The following ACADM variants were observed in gnomAD, a reference collection of about 807,000 sequenced individuals.
The protein encoded by ACADM is medium-chain specific acyl-CoA dehydrogenase, mitochondrial.
In ACADM, 49 loss-of-function variants were observed where a neutral mutation model predicts 58.9. The observed-to-expected ratio is 0.83, with a 90% CI of 0.66 to 1.06. The LOEUF is 1.06. ACADM is among the 50% of genes least tolerant of loss of function. ACADM has a pLI of 0.00. For synonymous variants in ACADM, 160 were observed against 157.7 expected, an observed-to-expected ratio of 1.01 and a Z score of -0.11; for missense variants, 496 against 507.0, an observed-to-expected ratio of 0.98 and a Z score of 0.21.
intron 2 of ACADM, among the ~76,000 whole-genome samples, chr1:75,729,403 C>T (rs1261602727): frequency 6.9e-6 from 1 of 145,650 alleles, no homozygotes; most frequent in African/African-American, 2.6e-5. Flanking sequence ...TCCCAAAGTG[C>T]TGGGATTATA....
intron 11 of ACADM, 117 bp downstream of exon 11, chr1:75,761,487 A>T: frequency 8.8e-7 from 1 of 1,136,666 alleles, no homozygotes; most frequent in Non-Finnish European, 1.3e-6. Flanking sequence ...TGACTGTCAT[A>T]TATGGCTGTG....
intron 1 of ACADM, among the ~76,000 whole-genome samples, chr1:75,726,800 C>CTTTTTT (rs748703972): frequency 8.3e-6 from 1 of 119,844 alleles, no homozygotes; most frequent in African/African-American, 3.2e-5. Flanking sequence ...AACTGTTTCA[C>CTTTTTT]TTTTTTTTTT....
intron 2 of ACADM, among the ~76,000 whole-genome samples, chr1:75,731,589 A>G (rs1294196958): frequency 3.9e-5 from 6 of 152,236 alleles, no homozygotes; most frequent in Non-Finnish European, 7.3e-5. Context: ...TAATTTTAAA[A>G]CAATCCCTTA....
In ACADM at chr1:75,744,562, G is replaced by A. The variant is rs1010940124; in HGVS notation, c.600-1244G>A. ...TTCTGCAAACGCTGGGGTTTTGACT[G>A]TAACCAAGTCATACTTGCATACAGT... On this transcript the variant is annotated intron_variant, in intron 7 of 11. Coordinates refer to ENST00000370841, the MANE Select transcript of ACADM (RefSeq NM_000016.6). The A allele has an allele frequency of 1.1e-5, 16 of 1,469,216 alleles. No homozygotes were observed. In the African/African-American group the frequency reaches 1.8e-4, roughly 17 times the overall value. 91.0% of individuals were successfully genotyped at this position (1,469,216 alleles called of 1,614,324 possible).
chr1:75,759,906 C>G (rs1293168096), intron 10 of ACADM, among the ~76,000 whole-genome samples: 1 of 151,806 alleles, frequency 6.6e-6, no homozygotes, highest in Non-Finnish European at 1.5e-5. Flanking sequence ...GGTGATCTGC[C>G]CGCCTCGGCC....
intron 7 of ACADM, chr1:75,743,518 G>C: frequency 6.2e-7 from 1 of 1,608,472 alleles, no homozygotes; most frequent in Non-Finnish European, 8.5e-7. Context: ...GTGATCATAG[G>C]TCAGTGCCAC....
chr1:75,731,012 C>T (rs1001602554), intron 2 of ACADM, among the ~76,000 whole-genome samples: 3 of 151,964 alleles, frequency 2.0e-5, no homozygotes, highest in Admixed American at 6.6e-5. Context: ...TTTGGCTGGG[C>T]GCAGTGGCTC....
At chr1:75,737,310 ATATATATATATATATATG>A in intron 6 of ACADM, among the ~76,000 whole-genome samples, 1 of 109,480 alleles carries the variant, frequency 9.1e-6, no homozygotes, top group Non-Finnish European at 2.0e-5. Context: ...ATATATATAT[ATATATATATATATATATG>A]AAACCAAAAA....
intron 2 of ACADM, 69 bp from the exon 3 acceptor site, chr1:75,732,575 A>G (rs1348486091): frequency 5.0e-6 from 6 of 1,196,594 alleles, no homozygotes; most frequent in Non-Finnish European, 7.5e-6. Flanking sequence ...ACACATTTCT[A>G]CATACTGACT....
chr1:75,751,019 C>A (rs1270313979), intron 10 of ACADM: 2 of 202,360 alleles, frequency 9.9e-6, no homozygotes, highest in Non-Finnish European at 2.0e-5. Flanking sequence ...GCATGAGCCA[C>A]TGGGCCCGGC....
intron 8 of ACADM, among the ~76,000 whole-genome samples, chr1:75,747,860 T>C (rs1218350275): frequency 1.3e-5 from 2 of 152,188 alleles, no homozygotes; most frequent in African/African-American, 2.4e-5. Context: ...GTTTTAAATG[T>C]TGTGGGGTTT....
intron 6 of ACADM, 124 bp downstream of exon 6, chr1:75,734,995 T>C: frequency 1.3e-6 from 1 of 769,676 alleles, no homozygotes; most frequent in Non-Finnish European, 2.2e-6. Context: ...AGCAACATAT[T>C]ATTACAATGA....
intron 7 of ACADM, chr1:75,743,706 A>G: frequency 6.7e-7 from 1 of 1,496,714 alleles, no homozygotes; most frequent in Non-Finnish European, 9.3e-7. Context: ...TGGCAAATTC[A>G]TTCTTTCGGG....
chr1:75,741,995 A>C (rs963315494), intron 7 of ACADM, among the ~76,000 whole-genome samples: 2 of 152,212 alleles, frequency 1.3e-5, no homozygotes, highest in Non-Finnish European at 2.9e-5. Context: ...GTTGGAACAT[A>C]TGGATCTCCA....
chr1:75,743,908 A>C, intron 7 of ACADM: 1 of 1,472,080 alleles, frequency 6.8e-7, no homozygotes, highest in Non-Finnish European at 9.5e-7. Context: ...CTGCAAGGCA[A>C]AGGCTGAGGC....
rs3841786 is a variant in ACADM, at chr1:75,762,761, T to TA, written c.*5dup. ...AREHIDKYKN[*] Reference sequence around the variant, plus strand: ...TGAACACATTGACAAGTACAAAAATTAAAAAAATTACTGTAGAAATATTGA... The same window carrying TA: ...TGAACACATTGACAAGTACAAAAATTAAAAAAAATTACTGTAGAAATATTGA... The change falls in exon 12 of 12, where the codon TAA becomes TAAA. Residue 422 remains the stop codon, a frameshift_variant and stop_retained_variant. Coordinates refer to ENST00000370841, the MANE Select transcript of ACADM (RefSeq NM_000016.6). LOFTEE classifies it high-confidence loss of function. 2.3e-4 allele frequency: 361 copies of TA among 1,573,038 alleles called. 3 individuals carry two copies. The East Asian group carries it at 7.3e-3, about 32-fold the overall frequency.
At chr1:75,758,839 A>C (rs1407997623) in intron 10 of ACADM, among the ~76,000 whole-genome samples, 1 of 152,216 alleles carries the variant, frequency 6.6e-6, no homozygotes, top group Non-Finnish European at 1.5e-5. Flanking sequence ...TGGACCAATC[A>C]GCAGGATATG....
chr1:75,734,648 C>T (rs1570865953), intron 5 of ACADM, 143 bp from the exon 6 acceptor site: 3 of 646,950 alleles, frequency 4.6e-6, no homozygotes, highest in Non-Finnish European at 8.2e-6. Flanking sequence ...CTCATTCTAA[C>T]TTAGAGGCAA....
In ACADM at chr1:75,732,885, A is replaced by G; in HGVS notation, c.249A>G (p.Glu83=). ...YPVPLIRRAW[E]LGLMNTHIPE... ...TCCCCCTAATTAGAAGAGCCTGGGAACTTGGTTTAATGAACACACACATTC... is the reference window on the plus strand; with the variant it reads ...TCCCCCTAATTAGAAGAGCCTGGGAGCTTGGTTTAATGAACACACACATTC... The change falls in exon 4 of 12, where the codon GAA becomes GAG. Residue 83 remains glutamate (E), a synonymous_variant. Coordinates refer to ENST00000370841, the MANE Select transcript of ACADM (RefSeq NM_000016.6). 2 of 1,613,954 alleles carry G rather than the reference A, an allele frequency of 1.2e-6. No individual in the cohort carries two copies. The highest frequency in any genetic ancestry group is 1.7e-6 in the Non-Finnish European group (2 of 1,179,858).
Sources: gnomAD v4.1 joint callset for allele counts (sites outside exome capture counted in the v4.1 genomes callset) on GRCh38, gnomAD v4.1.1 for gene constraint, MANE v1.5 for transcripts, NCBI Gene and HGNC (gene_info 2026-07-23, HGNC 2026-07-21) for gene names.